The following ARHGAP44 variants were observed in gnomAD, a reference collection of about 807,000 sequenced individuals.
ARHGAP44 encodes the protein rho GTPase-activating protein 44.
ARHGAP44 carries 43 observed loss-of-function variants against 106.8 expected under a neutral mutation model. The ratio of observed to expected loss-of-function variants is 0.40; its 90% CI spans 0.32 to 0.52. ARHGAP44 has a LOEUF of 0.52. Ranked by LOEUF, ARHGAP44 falls within the 20% of genes least tolerant of loss-of-function variation. The pLI is 0.48. For missense variants in ARHGAP44, 866 were observed against 1,050.5 expected, an observed-to-expected ratio of 0.82 and a Z score of 2.43; for synonymous variants, 439 against 410.3, an observed-to-expected ratio of 1.07 and a Z score of -0.85.
chr17:12,985,879 C>T (rs2039944229), intron 20 of ARHGAP44: 1 of 152,276 alleles, frequency 6.6e-6, no homozygotes, highest in Non-Finnish European at 1.5e-5. Context: ...GGTTGGAACA[C>T]ACACACCACA....
chr17:12,984,909 G>C lies in ARHGAP44; in HGVS notation c.2317+1G>C, dbSNP rs1383440485. On this transcript the variant is annotated splice_donor_variant, in intron 20 of 20. Transcript: ENST00000379672. LOFTEE classifies it high-confidence loss of function. ...TCCCCTGGGGAAAGCATGTCTACAG[G>C]TAACCAAGCCACAGGCTCCCTCACT... 1 of 1,595,232 alleles carries C rather than the reference G, an allele frequency of 6.3e-7. No homozygotes were observed. The highest frequency in any genetic ancestry group is 8.6e-7 in the Non-Finnish European group (1 of 1,168,042).
At chr17:12,931,873 CACACACAT>C (rs1266563389) in intron 7 of ARHGAP44, among the ~76,000 whole-genome samples, 4 of 146,430 alleles carry the variant, frequency 2.7e-5, no homozygotes, top group African/African-American at 7.5e-5. Flanking sequence ...CACACACACA[CACACACAT>C]ATCATGATTT....
chr17:12,840,914 T>C (rs541264758), intron 1 of ARHGAP44, among the ~76,000 whole-genome samples: 28 of 152,276 alleles, frequency 1.8e-4, no homozygotes, highest in South Asian at 4.1e-4. Context: ...TACCCTGACC[T>C]GACCCAGCTC....
chr17:12,974,412 C>T (rs2039618688), intron 18 of ARHGAP44, 102 bp downstream of exon 18: 5 of 992,996 alleles, frequency 5.0e-6, no homozygotes, highest in Middle Eastern at 3.4e-4. Context: ...TTTCCCATGC[C>T]CCCGCCCCCA....
chr17:12,941,218 T>C (rs2038700729), intron 8 of ARHGAP44, 94 bp downstream of exon 8: 1 of 1,169,684 alleles, frequency 8.5e-7, no homozygotes, highest in African/African-American at 1.5e-5. Flanking sequence ...GATCACATCA[T>C]AGAAAAAGGT....
At chr17:12,927,132 C>T (rs2038271065) in intron 6 of ARHGAP44, among the ~76,000 whole-genome samples, 1 of 151,700 alleles carries the variant, frequency 6.6e-6, no homozygotes, top group Admixed American at 6.6e-5. Context: ...TAGAATATTT[C>T]CTTTCTAGTT....
rs529261531 is a variant in ARHGAP44 at position 12,804,750 on chromosome 17, T to C, written c.53+14859T>C. Among the ~76,000 whole-genome samples the C allele has an allele frequency of 8.5e-5, 13 of 152,352 alleles. No homozygotes were observed. In the East Asian group the frequency reaches 2.5e-3, roughly 29 times the overall value. ...GTTCTTTCAGATTCAAGAGTGCTGG[T>C]TCACACTGAGGTATAAAACTTGGTG... On this transcript the variant is annotated intron_variant, in intron 1 of 20. Coordinates refer to ENST00000379672, the MANE Select transcript of ARHGAP44 (RefSeq NM_014859.6).
chr17:12,983,264 T>TAAAA lies in ARHGAP44; in HGVS notation c.1940-1248_1940-1245dup, dbSNP rs56038306. On this transcript the variant is annotated intron_variant, in intron 19 of 20. Coordinates refer to ENST00000379672, the MANE Select transcript of ARHGAP44 (RefSeq NM_014859.6). The stretch of plus-strand genomic sequence containing the variant: ...TGGGTGACAGAGCGAGACTCCATCT[T>TAAAA]AAAAAAAAAAAAAAAAAAAAAAGGA... Among the ~76,000 whole-genome samples the TAAAA allele has an allele frequency of 4.7e-3, 452 of 95,786 alleles. 8 individuals are homozygous for TAAAA. The highest frequency in any genetic ancestry group is 0.018 in the African/African-American group (438 of 24,268). The allele number at this position is 95,786 out of a possible 152,430, so 62.8% of individuals were successfully genotyped here.
Position 12,958,656 on chromosome 17 carries a change from C to T in ARHGAP44, c.1343-61C>T, listed in dbSNP as rs1368844838. ...GTGGGTGTCTGGACTCATTCCTCCC[C>T]TGCCCAGGAAGGGTGTGGCAGACCA... On this transcript the variant is annotated intron_variant, in intron 15 of 20. Coordinates refer to ENST00000379672, the MANE Select transcript of ARHGAP44 (RefSeq NM_014859.6). The surrounding 1 kb of genome is among the most constrained non-coding windows in gnomAD (Gnocchi z 4.1). The T allele has an allele frequency of 6.5e-7, 1 of 1,543,092 alleles. No homozygotes were observed. Among genetic ancestry groups the T allele is most frequent in the Admixed American group, 1.8e-5 (1 of 57,054 alleles).
chr17:12,873,932 A>C (rs528687129), intron 1 of ARHGAP44, among the ~76,000 whole-genome samples: 2 of 143,024 alleles, frequency 1.4e-5, no homozygotes, highest in African/African-American at 5.9e-5. Flanking sequence ...TAAATAAACA[A>C]ATAAATAAAT....
At chr17:12,819,638 A>G (rs1015893215) in intron 1 of ARHGAP44, among the ~76,000 whole-genome samples, 28 of 149,704 alleles carry the variant, frequency 1.9e-4, no homozygotes, top group Admixed American at 1.5e-3. Context: ...GTAGTTTATC[A>G]TGGCTTTAAT....
chr17:12,973,262 AT>A, intron 16 of ARHGAP44, 39 bp from the exon 17 acceptor site: 2 of 1,594,274 alleles, frequency 1.3e-6, no homozygotes, highest in Admixed American at 1.8e-5. Context: ...GAAGGCCTAG[AT>A]TTTTTGAAAC....
At position 12,858,960 on chromosome 17, in the gene ARHGAP44, A is replaced by T. The variant is rs536806272; in HGVS notation, c.54-35980A>T. On this transcript the variant is annotated intron_variant, in intron 1 of 20. Transcript: ENST00000379672. The stretch of plus-strand genomic sequence containing the variant: ...ACCATCAGATCTCATGAGACTTACT[A>T]CCACGAGAACAGTATAGGGAAAACT... 2.6e-5 allele frequency among the ~76,000 whole-genome samples: 4 copies of T among 152,284 alleles called. No individual in the cohort carries two copies. In the South Asian group the frequency reaches 8.3e-4, roughly 32 times the overall value.
intron 1 of ARHGAP44, among the ~76,000 whole-genome samples, chr17:12,793,436 G>A (rs868629325): frequency 6.6e-6 from 1 of 152,138 alleles, no homozygotes; most frequent in Non-Finnish European, 1.5e-5. Flanking sequence ...GGCCGGGCGT[G>A]GTGGCTCACG....
In ARHGAP44 at chr17:12,990,484, C is replaced by G; in HGVS notation, c.*313C>G. 3.4e-6 allele frequency: 1 copy of G among 292,108 alleles called. No individual in the cohort carries two copies. The allele number at this position is 292,108 out of a possible 1,614,324, so 18.1% of individuals were successfully genotyped here. On this transcript the variant is annotated 3_prime_UTR_variant, in exon 21 of 21. Coordinates refer to ENST00000379672, the MANE Select transcript of ARHGAP44 (RefSeq NM_014859.6). ...ACCCACCTCTCCATCCAAGGCTGGTCAGGAACGTCCTTTGCAGGGTCGGGG... is the reference window on the plus strand; with the variant it reads ...ACCCACCTCTCCATCCAAGGCTGGTGAGGAACGTCCTTTGCAGGGTCGGGG...
intron 1 of ARHGAP44, among the ~76,000 whole-genome samples, chr17:12,881,987 C>T (rs183969589): frequency 3.9e-5 from 6 of 152,260 alleles, no homozygotes; most frequent in Non-Finnish European, 5.9e-5. Context: ...GGTCCTGGGC[C>T]ACTGTGCCAA....
intron 6 of ARHGAP44, among the ~76,000 whole-genome samples, chr17:12,921,355 A>T (rs2038079522): frequency 6.6e-6 from 1 of 151,582 alleles, no homozygotes; most frequent in East Asian, 2.0e-4. Context: ...TATTATTTTT[A>T]AAAATTTTGA....
intron 12 of ARHGAP44, among the ~76,000 whole-genome samples, chr17:12,950,341 A>C (rs1005838708): frequency 2.6e-5 from 4 of 152,136 alleles, no homozygotes; most frequent in African/African-American, 9.7e-5. Context: ...ACGTGTCATG[A>C]CACGTGGGCA....
At chr17:12,927,993 C>A (rs1340870339) in intron 6 of ARHGAP44, among the ~76,000 whole-genome samples, 1 of 151,942 alleles carries the variant, frequency 6.6e-6, no homozygotes, top group South Asian at 2.1e-4. Flanking sequence ...GGAGAGGAAC[C>A]CACTGCTGAG....
Sources: allele counts gnomAD v4.1 joint callset (sites outside exome capture counted in the v4.1 genomes callset), GRCh38; gene constraint gnomAD v4.1.1; non-coding constraint Gnocchi (gnomAD v3.1); transcripts MANE v1.5; gene names NCBI Gene and HGNC (gene_info 2026-07-23, HGNC 2026-07-21).